CACNA2D1: variants seen among roughly 807,000 people sequenced by gnomAD.
CACNA2D1 encodes the protein voltage-dependent calcium channel subunit alpha-2/delta-1.
Under a neutral mutation model 171.5 loss-of-function variants are expected in CACNA2D1, and 53 were observed. The observed-to-expected ratio is 0.31, with a 90% CI of 0.25 to 0.39. CACNA2D1 has a LOEUF of 0.39. Among genes scored for constraint, CACNA2D1 ranks in the 10% least tolerant of loss-of-function variants. The pLI, the probability that CACNA2D1 is intolerant of heterozygous loss-of-function variation, is 1.00. For missense variants in CACNA2D1, 903 were observed against 1,299.8 expected, an observed-to-expected ratio of 0.69 and a Z score of 4.69; for synonymous variants, 442 against 443.1, an observed-to-expected ratio of 1.00 and a Z score of 0.03.
intron 3 of CACNA2D1, among the ~76,000 whole-genome samples, chr7:82,216,308 A>C (rs1366012382): frequency 6.6e-6 from 1 of 152,214 alleles, no homozygotes; most frequent in Non-Finnish European, 1.5e-5. Flanking sequence ...AACAAAGATT[A>C]GCAAACTATT....
intron 1 of CACNA2D1, among the ~76,000 whole-genome samples, chr7:82,435,180 C>A (rs941626925): frequency 1.3e-5 from 2 of 151,798 alleles, no homozygotes; most frequent in African/African-American, 4.8e-5. Flanking sequence ...GGACTACAGG[C>A]GCATGCCATC....
intron 4 of CACNA2D1, among the ~76,000 whole-genome samples, chr7:82,147,952 A>G (rs73705827): frequency 6.6e-6 from 1 of 152,296 alleles, no homozygotes; most frequent in African/African-American, 2.4e-5. Flanking sequence ...ATTCACATAT[A>G]TACAGTACTC....
intron 1 of CACNA2D1, among the ~76,000 whole-genome samples, chr7:82,435,297 A>G (rs1431822364): frequency 1.3e-5 from 2 of 152,042 alleles, no homozygotes; most frequent in Non-Finnish European, 2.9e-5. Flanking sequence ...TCGGCCTCCC[A>G]AAGTGCTGGG....
intron 3 of CACNA2D1, among the ~76,000 whole-genome samples, chr7:82,203,916 A>C (rs111634773): frequency 2.0e-4 from 30 of 152,314 alleles, no homozygotes; most frequent in Non-Finnish European, 4.3e-4. Flanking sequence ...CATCCACTTT[A>C]GCAAAGTGGG....
At chr7:81,958,637 G>T (rs1793725017) in intron 38 of CACNA2D1, among the ~76,000 whole-genome samples, 1 of 151,966 alleles carries the variant, frequency 6.6e-6, no homozygotes, top group Non-Finnish European at 1.5e-5. Flanking sequence ...TATAGGAAAA[G>T]TAGTAAGCCA....
chr7:82,386,883 T>G (rs545110349), intron 1 of CACNA2D1, among the ~76,000 whole-genome samples: 2 of 151,992 alleles, frequency 1.3e-5, no homozygotes, highest in South Asian at 4.1e-4. Context: ...AGTATCAAAT[T>G]CCTTTTTATT....
chr7:82,054,231 T>C (rs190091428), intron 10 of CACNA2D1, among the ~76,000 whole-genome samples: 3 of 152,320 alleles, frequency 2.0e-5, no homozygotes, highest in Admixed American at 1.3e-4. Context: ...ATTTTATTGA[T>C]AGCATTATTC....
intron 7 of CACNA2D1, 78 bp from the exon 8 acceptor site, chr7:82,066,602 C>CA: frequency 1.3e-6 from 2 of 1,498,146 alleles, no homozygotes; most frequent in Non-Finnish European, 1.8e-6. Flanking sequence ...TTAAAAATCA[C>CA]AAAAAGCAAT....
intron 3 of CACNA2D1, among the ~76,000 whole-genome samples, chr7:82,334,137 A>G (rs1817704653): frequency 6.6e-6 from 1 of 152,222 alleles, no homozygotes; most frequent in African/African-American, 2.4e-5. Context: ...AAGCAGAGGT[A>G]ACATTTACAC....
At chr7:82,038,030 C>T (rs1803518682) in intron 11 of CACNA2D1, 47 bp downstream of exon 11, 1 of 1,580,708 alleles carries the variant, frequency 6.3e-7, no homozygotes, top group South Asian at 1.1e-5. Context: ...AATTCAGATA[C>T]TACAATTGAA....
rs573396805 is a variant in CACNA2D1 at position 82,221,848 on chromosome 7, A to G, written c.295-51239T>C. On this transcript the variant is annotated intron_variant, in intron 3 of 38. Transcript: ENST00000356860. ...CAAGATAAGTAATAAAATATTTTCTATAATATTTCTTTTTGGGTAAGTAAT... is the reference window on the plus strand; with the variant it reads ...CAAGATAAGTAATAAAATATTTTCTGTAATATTTCTTTTTGGGTAAGTAAT... 3.3e-5 allele frequency among the ~76,000 whole-genome samples: 5 copies of G among 151,938 alleles called. No individual in the cohort carries two copies. The South Asian group carries it at 8.3e-4, about 25-fold the overall frequency.
chr7:82,401,785 G>A (rs1717902772), intron 1 of CACNA2D1, among the ~76,000 whole-genome samples: 1 of 152,074 alleles, frequency 6.6e-6, no homozygotes, highest in South Asian at 2.1e-4. Context: ...CTAGAGACTG[G>A]AACTACATCA....
intron 3 of CACNA2D1, among the ~76,000 whole-genome samples, chr7:82,249,507 A>G (rs1805370433): frequency 6.6e-6 from 1 of 152,228 alleles, no homozygotes; most frequent in Non-Finnish European, 1.5e-5. Context: ...CTGGCTAAAG[A>G]AAGACATTTC....
At chr7:82,203,310 C>A (rs1045428321) in intron 3 of CACNA2D1, among the ~76,000 whole-genome samples, 2 of 152,140 alleles carry the variant, frequency 1.3e-5, no homozygotes, top group African/African-American at 4.8e-5. Context: ...ACTTGATGGA[C>A]CGCTTGACAG....
intron 20 of CACNA2D1, 36 bp from the exon 21 acceptor site, chr7:81,991,282 C>T (rs767448690): frequency 1.2e-5 from 12 of 1,034,684 alleles, no homozygotes; most frequent in Admixed American, 3.4e-5. Flanking sequence ...TATCACTTTA[C>T]ATTTTGTATG....
At chr7:82,189,698 G>A (rs753728206) in intron 3 of CACNA2D1, among the ~76,000 whole-genome samples, 1 of 151,776 alleles carries the variant, frequency 6.6e-6, no homozygotes, top group Non-Finnish European at 1.5e-5. Context: ...AATAATGGAA[G>A]AGTATAAAAG....
At chr7:82,261,702 G>A (rs941110726) in intron 3 of CACNA2D1, among the ~76,000 whole-genome samples, 2 of 152,056 alleles carry the variant, frequency 1.3e-5, no homozygotes, top group Admixed American at 1.3e-4. Flanking sequence ...TTCATTCTAA[G>A]TGAAAAAATT....
At chr7:81,986,983 T>C (rs1015922623) in intron 21 of CACNA2D1, among the ~76,000 whole-genome samples, 3 of 152,176 alleles carry the variant, frequency 2.0e-5, no homozygotes. Context: ...TTAAAACCGA[T>C]AACATTATAT....
chr7:82,047,244 C>T (rs980688918), intron 10 of CACNA2D1, among the ~76,000 whole-genome samples: 3 of 152,128 alleles, frequency 2.0e-5, no homozygotes, highest in African/African-American at 4.8e-5. Flanking sequence ...GCATAGCCCT[C>T]TAGAAATTTG....
Sources: allele counts gnomAD v4.1 joint callset (sites outside exome capture counted in the v4.1 genomes callset), GRCh38; gene constraint gnomAD v4.1.1; transcripts MANE v1.5; gene names NCBI Gene and HGNC (gene_info 2026-07-23, HGNC 2026-07-21).